Variants in CEBPB observed in about 807,000 individuals in gnomAD.
CEBPB encodes CCAAT enhancer binding protein beta.
For missense variants in CEBPB, 498 were observed against 533.1 expected, an observed-to-expected ratio of 0.93 and a Z score of 0.65; for synonymous variants, 295 against 267.1, an observed-to-expected ratio of 1.10 and a Z score of -1.02.
rs2081570822 is a variant in CEBPB at position 50,190,932 on chromosome 20, C to CA, written c.-101dup. The CA allele has an allele frequency of 1.9e-5, 25 of 1,317,270 alleles. No individual in the cohort carries two copies. The Middle Eastern group carries it at 2.6e-3, about 137-fold the overall frequency. 81.6% of individuals were successfully genotyped at this position (1,317,270 alleles called of 1,614,324 possible). On this transcript the variant is annotated 5_prime_UTR_variant, in exon 1 of 1. Coordinates refer to ENST00000303004, the MANE Select transcript of CEBPB (RefSeq NM_005194.4). ...GCCACCCCGGCAGCGGCGGCAGCAG[C>CA]AGCAGCGACGCAGCGGCGACAGCTC...
rs1162857185 is a variant in CEBPB, at chr20:50,191,470, G to A, written c.437G>A (p.Gly146Glu). ...GGCTACGTGAGCCTGGGGCGCCTGGGGGCCGCCAAGGGCGCGCTGCACCCC... is the reference window on the plus strand; with the variant it reads ...GGCTACGTGAGCCTGGGGCGCCTGGAGGCCGCCAAGGGCGCGCTGCACCCC... Reference protein sequence around the residue: ...EYGYVSLGRLGAAKGALHPGC... With the variant: ...EYGYVSLGRLEAAKGALHPGC... Residue 146 changes from glycine (G) to glutamate (E), a missense_variant, in exon 1 of 1, where the codon GGG becomes GAG. Coordinates refer to ENST00000303004, the MANE Select transcript of CEBPB (RefSeq NM_005194.4). 2.7e-6 allele frequency: 4 copies of A among 1,485,790 alleles called. No individual in the cohort carries two copies. The highest frequency in any genetic ancestry group is 1.3e-5 in the South Asian group (1 of 79,822). The allele number at this position is 1,485,790 out of a possible 1,614,324, so 92.0% of individuals were successfully genotyped here.
chr20:50,191,419 A>C lies in CEBPB; in HGVS notation c.386A>C (p.Lys129Thr). The change falls in exon 1 of 1, where the codon AAG (lysine) becomes ACG (threonine). Residue 129 changes from lysine to threonine, a missense_variant. Physicochemically the swap from Lys to Thr is moderately conservative, Grantham distance 78. Coordinates refer to ENST00000303004, the MANE Select transcript of CEBPB (RefSeq NM_005194.4). ...SDLFSDDYGG[K>T]NCKKPAEYGY... ...CTCTTCTCCGACGACTACGGGGGCAAGAACTGCAAGAAGCCGGCCGAGTAC... is the reference window on the plus strand; with the variant it reads ...CTCTTCTCCGACGACTACGGGGGCACGAACTGCAAGAAGCCGGCCGAGTAC... 6.6e-7 allele frequency: 1 copy of C among 1,522,750 alleles called. No homozygotes were observed. Among genetic ancestry groups the C allele is most frequent in the Non-Finnish European group, 8.8e-7 (1 of 1,132,746 alleles). The allele number at this position is 1,522,750 out of a possible 1,614,324, so 94.3% of individuals were successfully genotyped here.
chr20:50,191,207 C>T lies in CEBPB; in HGVS notation c.174C>T (p.Pro58=). Residue 58 remains proline, a synonymous_variant, in exon 1 of 1, where the codon CCC becomes CCT. Transcript: ENST00000303004. The stretch of plus-strand genomic sequence containing the variant: ...CCGCGGCCAGACCCGGGCCGCGCCC[C>T]CCCGCCGGCGAGCTGGGCAGCATCG... The part of the protein sequence containing the change: ...APPAARPGPR[P]PAGELGSIGD... The T allele has an allele frequency of 1.5e-6, 2 of 1,303,402 alleles. No individual in the cohort carries two copies. The highest frequency in any genetic ancestry group is 1.9e-6 in the Non-Finnish European group (2 of 1,028,918). The allele number at this position is 1,303,402 out of a possible 1,614,324, so 80.7% of individuals were successfully genotyped here. A position where few individuals can be genotyped will look rare whatever the true frequency, so the allele number is the denominator to read the frequency against.
In CEBPB at chr20:50,192,062, C is replaced by T. The variant is rs767096943; in HGVS notation, c.1029C>T (p.Gly343=). Residue 343 remains glycine, a synonymous_variant, in exon 1 of 1, where the codon GGC becomes GGT. Coordinates refer to ENST00000303004, the MANE Select transcript of CEBPB (RefSeq NM_005194.4). ...CCGAGCCCCTGCTCGCCTCCTCCGGCCACTGCTAGCGCGGCCCCCGCGCGC... is the reference window on the plus strand; with the variant it reads ...CCGAGCCCCTGCTCGCCTCCTCCGGTCACTGCTAGCGCGGCCCCCGCGCGC... ...QLPEPLLASS[G]HC The T allele has an allele frequency of 1.3e-6, 2 of 1,571,924 alleles. No homozygotes were observed. Among genetic ancestry groups the T allele is most frequent in the South Asian group, 2.3e-5 (2 of 85,992 alleles).
In CEBPB at chr20:50,191,468, G is replaced by T; in HGVS notation, c.435G>T (p.Leu145=). 6.7e-7 allele frequency: 1 copy of T among 1,492,638 alleles called. No individual in the cohort carries two copies. Among genetic ancestry groups the T allele is most frequent in the East Asian group, 3.0e-5 (1 of 33,694 alleles). 92.5% of individuals were successfully genotyped at this position (1,492,638 alleles called of 1,614,324 possible). ...ACGGCTACGTGAGCCTGGGGCGCCT[G>T]GGGGCCGCCAAGGGCGCGCTGCACC... ...AEYGYVSLGR[L]GAAKGALHPG... is the part of the protein sequence containing the mutation. Residue 145 remains leucine (L), a synonymous_variant, in exon 1 of 1, where the codon CTG becomes CTT. Coordinates refer to ENST00000303004, the MANE Select transcript of CEBPB (RefSeq NM_005194.4).
Position 50,191,294 on chromosome 20 carries a change from C to A in CEBPB, c.261C>A (p.Ala87=). Residue 87 remains alanine (A), a synonymous_variant, in exon 1 of 1, where the codon GCC becomes GCA. Transcript: ENST00000303004. ...TGGAGCCGCTGGGCGCGCCGCAGGC[C>A]CCGGCGCCCGCCACGGCCACGGACA... ...PYLEPLGAPQ[A]PAPATATDTF... 7.6e-7 allele frequency: 1 copy of A among 1,319,944 alleles called. No homozygotes were observed. Among genetic ancestry groups the A allele is most frequent in the Non-Finnish European group, 9.7e-7 (1 of 1,030,794 alleles). 81.8% of individuals were successfully genotyped at this position (1,319,944 alleles called of 1,614,324 possible). A position where few individuals can be genotyped will look rare whatever the true frequency, so the allele number is the denominator to read the frequency against.
Position 50,191,014 on chromosome 20 carries a change from C to A in CEBPB, c.-20C>A. 1 of 1,501,862 alleles carries A rather than the reference C, an allele frequency of 6.7e-7. No individual in the cohort carries two copies. The highest frequency in any genetic ancestry group is 8.8e-7 in the Non-Finnish European group (1 of 1,132,136). The allele number at this position is 1,501,862 out of a possible 1,614,324, so 93.0% of individuals were successfully genotyped here. On this transcript the variant is annotated 5_prime_UTR_variant, in exon 1 of 1. Coordinates refer to ENST00000303004, the MANE Select transcript of CEBPB (RefSeq NM_005194.4). ...GCCGGAGCGGGCAGCCCCAGGCCCCCTCCCCGGGCACCCGCGTTCATGCAA... is the reference window on the plus strand; with the variant it reads ...GCCGGAGCGGGCAGCCCCAGGCCCCATCCCCGGGCACCCGCGTTCATGCAA...
At position 50,191,729 on chromosome 20, in the gene CEBPB, G is replaced by C. The variant is rs2147339062; in HGVS notation, c.696G>C (p.Pro232=). The change falls in exon 1 of 1, where the codon CCG becomes CCC. Residue 232 remains proline, a synonymous_variant. Transcript: ENST00000303004. ...TCTCCACGTCCTCCTCGTCCAGCCC[G>C]CCCGGCACGCCGAGCCCCGCTGACG... ...GSLSTSSSSS[P]PGTPSPADAK... 1 of 1,515,418 alleles carries C rather than the reference G, an allele frequency of 6.6e-7. No individual in the cohort carries two copies. Among genetic ancestry groups the C allele is most frequent in the Non-Finnish European group, 8.8e-7 (1 of 1,137,052 alleles). The allele number at this position is 1,515,418 out of a possible 1,614,324, so 93.9% of individuals were successfully genotyped here.
upstream of CEBPB, chr20:50,190,668 G>T (rs1299506953): frequency 6.0e-6 from 1 of 165,732 alleles, no homozygotes; most frequent in Non-Finnish European, 1.3e-5. Flanking sequence ...AACGCGCTCC[G>T]GGTGCCCGGT....
In CEBPB at chr20:50,190,867, C is replaced by G; in HGVS notation, c.-167C>G. On this transcript the variant is annotated 5_prime_UTR_variant, in exon 1 of 1. Transcript: ENST00000303004. ...CCGCGCACGGGACTGGGAAGGGGAC[C>G]CACCCGAGGGTCCAGCCACCAGCCC... 3 of 793,368 alleles carry G rather than the reference C, an allele frequency of 3.8e-6. No homozygotes were observed. Among genetic ancestry groups the G allele is most frequent in the South Asian group, 2.9e-5 (1 of 34,842 alleles). 49.1% of individuals were successfully genotyped at this position (793,368 alleles called of 1,614,324 possible).
rs1392918713 is a variant in CEBPB, at chr20:50,190,896, C to T, written c.-138C>T. 2.6e-6 allele frequency: 3 copies of T among 1,141,172 alleles called. No individual in the cohort carries two copies. The highest frequency in any genetic ancestry group is 8.5e-5 in the Admixed American group (2 of 23,462). 70.7% of individuals were successfully genotyped at this position (1,141,172 alleles called of 1,614,324 possible). ...CCGAGGGTCCAGCCACCAGCCCCCT[C>T]ACTAATAGCGGCCACCCCGGCAGCG... On this transcript the variant is annotated 5_prime_UTR_variant, in exon 1 of 1. Coordinates refer to ENST00000303004, the MANE Select transcript of CEBPB (RefSeq NM_005194.4).
chr20:50,192,141 C>G lies in CEBPB; in HGVS notation c.*70C>G, dbSNP rs1382794256. ...CGGGGAGCGCCCGCGCCCGCGCCCTCGCCCCCGCCCCCGGCGGCGCCGGCA... is the reference window on the plus strand; with the variant it reads ...CGGGGAGCGCCCGCGCCCGCGCCCTGGCCCCCGCCCCCGGCGGCGCCGGCA... On this transcript the variant is annotated 3_prime_UTR_variant, in exon 1 of 1. Coordinates refer to ENST00000303004, the MANE Select transcript of CEBPB (RefSeq NM_005194.4). The G allele has an allele frequency of 8.2e-7, 1 of 1,217,846 alleles. No homozygotes were observed. The highest frequency in any genetic ancestry group is 1.6e-5 in the African/African-American group (1 of 62,540). The allele number at this position is 1,217,846 out of a possible 1,614,324, so 75.4% of individuals were successfully genotyped here.
Position 50,191,451 on chromosome 20 carries a change from G to C in CEBPB, c.418G>C (p.Val140Leu). 6.6e-7 allele frequency: 1 copy of C among 1,511,498 alleles called. No homozygotes were observed. Among genetic ancestry groups the C allele is most frequent in the East Asian group, 2.9e-5 (1 of 34,914 alleles). 93.6% of individuals were successfully genotyped at this position (1,511,498 alleles called of 1,614,324 possible). ...CAAGAAGCCGGCCGAGTACGGCTAC[G>C]TGAGCCTGGGGCGCCTGGGGGCCGC... The part of the protein sequence containing the change: ...NCKKPAEYGY[V>L]SLGRLGAAKG... Residue 140 changes from valine to leucine, a missense_variant, in exon 1 of 1, where the codon GTG (valine) becomes CTG (leucine). Val to Leu is a conservative substitution (Grantham distance 32). Transcript: ENST00000303004.
rs1449245373 is a variant in CEBPB at position 50,191,863 on chromosome 20, G to A, written c.830G>A (p.Arg277Gln). The A allele has an allele frequency of 1.2e-6, 2 of 1,610,470 alleles. No individual in the cohort carries two copies. The highest frequency in any genetic ancestry group is 1.7e-6 in the Non-Finnish European group (2 of 1,178,594). ...AAGCACAGCGACGAGTACAAGATCC[G>A]GCGCGAGCGCAACAACATCGCCGTG... is the stretch of plus-strand genomic sequence containing the variant. ...VDKHSDEYKIRRERNNIAVRK... is the reference protein window; with the variant it reads ...VDKHSDEYKIQRERNNIAVRK... Residue 277 changes from arginine (R) to glutamine (Q), a missense_variant, in exon 1 of 1, where the codon CGG becomes CAG. Coordinates refer to ENST00000303004, the MANE Select transcript of CEBPB (RefSeq NM_005194.4).
chr20:50,191,662 A>T lies in CEBPB; in HGVS notation c.629A>T (p.Tyr210Phe). 7.1e-7 allele frequency: 1 copy of T among 1,417,458 alleles called. No homozygotes were observed. Among genetic ancestry groups the T allele is most frequent in the East Asian group, 3.0e-5 (1 of 32,816 alleles). 87.8% of individuals were successfully genotyped at this position (1,417,458 alleles called of 1,614,324 possible). A position where few individuals can be genotyped will look rare whatever the true frequency, so the allele number is the denominator to read the frequency against. The change falls in exon 1 of 1, where the codon TAC (tyrosine) becomes TTC (phenylalanine). Residue 210 changes from tyrosine (Y) to phenylalanine (F), a missense_variant. By Grantham distance (22) the Tyr-to-Phe change is conservative (BLOSUM62 3). Transcript: ENST00000303004. ...AAGFPYALRA[Y>F]LGYQAVPSGS... ...GGCTTCCCGTACGCGCTGCGCGCTTACCTCGGCTACCAGGCGGTGCCGAGC... is the reference window on the plus strand; with the variant it reads ...GGCTTCCCGTACGCGCTGCGCGCTTTCCTCGGCTACCAGGCGGTGCCGAGC...
At position 50,191,460 on chromosome 20, in the gene CEBPB, G is replaced by T. The variant is rs1028525078; in HGVS notation, c.427G>T (p.Gly143Trp). 2.0e-6 allele frequency: 3 copies of T among 1,498,742 alleles called. No individual in the cohort carries two copies. In the African/African-American group the frequency reaches 4.4e-5, roughly 22 times the overall value. The allele number at this position is 1,498,742 out of a possible 1,614,324, so 92.8% of individuals were successfully genotyped here. A position where few individuals can be genotyped will look rare whatever the true frequency, so the allele number is the denominator to read the frequency against. Residue 143 changes from glycine (G) to tryptophan (W), a missense_variant, in exon 1 of 1, where the codon GGG becomes TGG. Coordinates refer to ENST00000303004, the MANE Select transcript of CEBPB (RefSeq NM_005194.4). ...KPAEYGYVSL[G>W]RLGAAKGALH... ...GGCCGAGTACGGCTACGTGAGCCTG[G>T]GGCGCCTGGGGGCCGCCAAGGGCGC...
In CEBPB at chr20:50,192,479, GT is replaced by G. The variant is rs1340066662; in HGVS notation, c.*409del. 1.2e-5 allele frequency: 2 copies of G among 167,134 alleles called. No individual in the cohort carries two copies. Among genetic ancestry groups the G allele is most frequent in the East Asian group, 3.8e-4 (2 of 5,204 alleles). The allele number at this position is 167,134 out of a possible 1,614,324, so 10.4% of individuals were successfully genotyped here. On this transcript the variant is annotated 3_prime_UTR_variant, in exon 1 of 1. Transcript: ENST00000303004. The stretch of plus-strand genomic sequence containing the variant: ...CGTGTAACTGTCAGCCGGGCCCTGA[GT>G]AATCGCTTAAAGATGTTCCTACGGG...
In CEBPB at chr20:50,190,946, C is replaced by T; in HGVS notation, c.-88C>T. On this transcript the variant is annotated 5_prime_UTR_variant, in exon 1 of 1. Coordinates refer to ENST00000303004, the MANE Select transcript of CEBPB (RefSeq NM_005194.4). The stretch of plus-strand genomic sequence containing the variant: ...GGCGGCAGCAGCAGCAGCGACGCAG[C>T]GGCGACAGCTCAGAGCAGGGAGGCC... 2.3e-6 allele frequency: 3 copies of T among 1,329,622 alleles called. No homozygotes were observed. The highest frequency in any genetic ancestry group is 3.8e-5 in the South Asian group (2 of 52,142). The allele number at this position is 1,329,622 out of a possible 1,614,324, so 82.4% of individuals were successfully genotyped here. A position where few individuals can be genotyped will look rare whatever the true frequency, so the allele number is the denominator to read the frequency against.
chr20:50,191,217 G>A lies in CEBPB; in HGVS notation c.184G>A (p.Glu62Lys), dbSNP rs1249448053. 15 of 1,297,932 alleles carry A rather than the reference G, an allele frequency of 1.2e-5. No homozygotes were observed. The highest frequency in any genetic ancestry group is 1.6e-5 in the African/African-American group (1 of 63,690). The allele number at this position is 1,297,932 out of a possible 1,614,324, so 80.4% of individuals were successfully genotyped here. The change falls in exon 1 of 1, where the codon GAG becomes AAG. Residue 62 changes from glutamate to lysine, a missense_variant. Physicochemically the swap from Glu to Lys is moderately conservative, Grantham distance 56 (BLOSUM62 1). Transcript: ENST00000303004. ...ARPGPRPPAGELGSIGDHERA... is the reference protein window; with the variant it reads ...ARPGPRPPAGKLGSIGDHERA... ...ACCCGGGCCGCGCCCCCCCGCCGGC[G>A]AGCTGGGCAGCATCGGCGACCACGA...
Sources: gnomAD v4.1 joint callset for allele counts on GRCh38, gnomAD v4.1.1 for gene constraint, MANE v1.5 for transcripts, NCBI Gene and HGNC (gene_info 2026-07-23, HGNC 2026-07-21) for gene names.